Variants in SLC3A2 observed in about 807,000 individuals in gnomAD.
SLC3A2 encodes solute carrier family 3 member 2, also known as amino acid transporter heavy chain SLC3A2.
A neutral mutation model predicts 48.5 loss-of-function variants in SLC3A2; 32 were observed. The observed-to-expected ratio is 0.66, with a 90% CI of 0.50 to 0.89. The LOEUF (loss-of-function observed/expected upper bound fraction) is 0.89, where lower values mean the gene tolerates loss of function less well. SLC3A2 is among the 40% of genes least tolerant of loss of function. The probability of loss-of-function intolerance (pLI) is 0.00; values close to 1 mark genes in which losing one functional copy is unlikely to be tolerated. For synonymous variants in SLC3A2, 277 were observed against 288.8 expected, an observed-to-expected ratio of 0.96 and a Z score of 0.41; for missense variants, 587 against 680.7, an observed-to-expected ratio of 0.86 and a Z score of 1.53.
chr11:62,877,414 C>T (rs1488626692), upstream of SLC3A2, among the ~76,000 whole-genome samples: 1 of 152,180 alleles, frequency 6.6e-6, no homozygotes, highest in Non-Finnish European at 1.5e-5. Flanking sequence ...AGTTCATCCA[C>T]TTATTTACCA....
At chr11:62,858,244 T>C (rs1440503295) in intron 1 of SLC3A2, among the ~76,000 whole-genome samples, 3 of 152,078 alleles carry the variant, frequency 2.0e-5, no homozygotes, top group Non-Finnish European at 4.4e-5. Context: ...AGAAATCAGC[T>C]AAGTAATGTA....
chr11:62,888,281 T>C, intron 8 of SLC3A2, 50 bp from the exon 9 acceptor site: 1 of 1,609,602 alleles, frequency 6.2e-7, no homozygotes, highest in South Asian at 1.1e-5. Context: ...TAGAAGTCTG[T>C]ACCCAGGGGA....
intron 1 of SLC3A2, chr11:62,870,725 A>C (rs751186481): frequency 4.2e-5 from 6 of 141,834 alleles, no homozygotes; most frequent in Admixed American, 1.5e-4. Context: ...TATTATTATT[A>C]TTTTTTTTTT....
intron 1 of SLC3A2, among the ~76,000 whole-genome samples, chr11:62,864,750 G>A (rs965239031): frequency 6.7e-6 from 1 of 149,662 alleles, no homozygotes; most frequent in African/African-American, 2.5e-5. Context: ...ACAGGTGTGA[G>A]CCACCACGCC....
At chr11:62,865,822 T>A (rs921430485) in intron 1 of SLC3A2, among the ~76,000 whole-genome samples, 2 of 152,132 alleles carry the variant, frequency 1.3e-5, no homozygotes, top group Non-Finnish European at 2.9e-5. Context: ...GGTAGTTGCA[T>A]ATTTCTGGCT....
intron 1 of SLC3A2, among the ~76,000 whole-genome samples, chr11:62,860,852 G>A (rs571599903): frequency 1.3e-5 from 2 of 152,288 alleles, no homozygotes; most frequent in South Asian, 2.1e-4. Flanking sequence ...CAAGCATACT[G>A]CCTGCAAACA....
chr11:62,871,578 G>A (rs1448964346), intron 1 of SLC3A2: 3 of 649,362 alleles, frequency 4.6e-6, no homozygotes, highest in African/African-American at 1.8e-5. Context: ...TATTTGTAGA[G>A]ACGGGGTCTG....
In SLC3A2 at chr11:62,881,346, G is replaced by A. The variant is rs755583735; in HGVS notation, c.323G>A (p.Arg108His). ...GTGGTCATAATCGTGCGAGCGCCGC[G>A]TTGTCGCGAGCTACCGGCGCAGAAG... ...GAVVIIVRAPRCRELPAQKWW... is the reference protein window; with the variant it reads ...GAVVIIVRAPHCRELPAQKWW... The change falls in exon 1 of 9, where the codon CGT becomes CAT. Residue 108 changes from arginine (R) to histidine (H), a missense_variant. By Grantham distance (29) the Arg-to-His change is conservative. Around this residue, in one of 3 missense-constraint regions of SLC3A2, gnomAD observed 409 missense variants for 446.7 expected, o/e 0.92. Transcript: ENST00000338663. The surrounding 1 kb of genome is among the most constrained non-coding windows in gnomAD (Gnocchi z 4.0). 3.1e-6 allele frequency: 5 copies of A among 1,592,736 alleles called. No homozygotes were observed. Among genetic ancestry groups the A allele is most frequent in the Non-Finnish European group, 4.3e-6 (5 of 1,174,148 alleles).
chr11:62,857,695 C>CAA (rs56818745), intron 1 of SLC3A2, among the ~76,000 whole-genome samples: 1,311 of 52,806 alleles, frequency 0.025, 108 homozygotes, highest in Non-Finnish European at 0.035. Flanking sequence ...GACCCTGTCT[C>CAA]AAAAAAAAAA....
intron 1 of SLC3A2, among the ~76,000 whole-genome samples, chr11:62,868,468 C>T (rs1278900744): frequency 2.0e-5 from 3 of 148,188 alleles, no homozygotes; most frequent in Non-Finnish European, 4.5e-5. Flanking sequence ...TGGGTTCACG[C>T]CATTCTCCTG....
At chr11:62,877,429 C>T (rs1245621128), upstream of SLC3A2, among the ~76,000 whole-genome samples, 1 of 152,218 alleles carries the variant, frequency 6.6e-6, no homozygotes, top group Non-Finnish European at 1.5e-5. Flanking sequence ...TTACCAAACA[C>T]TTGCGAAGTG....
intron 1 of SLC3A2, among the ~76,000 whole-genome samples, chr11:62,865,284 G>T (rs2085440958): frequency 6.6e-6 from 1 of 152,110 alleles, no homozygotes. Context: ...CAGGTGCGGT[G>T]GCTCATGCCT....
chr11:62,860,796 C>T (rs2085391145), intron 1 of SLC3A2, among the ~76,000 whole-genome samples: 2 of 152,334 alleles, frequency 1.3e-5, no homozygotes, highest in East Asian at 3.9e-4. Flanking sequence ...CCGCAGTGCA[C>T]TGTGTCCCTG....
intron 1 of SLC3A2, among the ~76,000 whole-genome samples, chr11:62,859,982 C>T (rs567056748): frequency 2.6e-4 from 40 of 152,264 alleles, no homozygotes; most frequent in Non-Finnish European, 3.5e-4. Context: ...AGGACCCGCA[C>T]CAGCACTGGT....
rs577747962 is a variant in SLC3A2 at position 62,868,800 on chromosome 11, G to A, written c.113-12219G>A. Among the ~76,000 whole-genome samples, 57 of 152,238 alleles carry A rather than the reference G, an allele frequency of 3.7e-4. 1 individual carries two copies. The South Asian group carries it at 0.011, about 30-fold the overall frequency. On this transcript the variant is annotated intron_variant, in intron 1 of 9. Transcript: ENST00000377889. ...GATGTTTTCATATTGCCAATCTGAC[G>A]GACATGAAATTCTATTTTCTTGCCA...
At chr11:62,882,353 AG>A (rs1404416324) in intron 2 of SLC3A2, 8 of 335,530 alleles carry the variant, frequency 2.4e-5, no homozygotes, top group Admixed American at 4.9e-5. Flanking sequence ...GTAAAACAGT[AG>A]GTTTTTTTGG....
intron 3 of SLC3A2, 120 bp from the exon 4 acceptor site, chr11:62,884,337 C>T: frequency 9.4e-7 from 1 of 1,066,894 alleles, no homozygotes; most frequent in Non-Finnish European, 1.4e-6. Flanking sequence ...CCAGGCAAGG[C>T]ACAGGACTCT....
At chr11:62,867,726 C>T (rs1297308217) in intron 1 of SLC3A2, among the ~76,000 whole-genome samples, 1 of 151,934 alleles carries the variant, frequency 6.6e-6, no homozygotes, top group Non-Finnish European at 1.5e-5. Context: ...AACAATCCTC[C>T]CACCTCAGCC....
Position 62,888,662 on chromosome 11 carries a change from G to T in SLC3A2, c.1559G>T (p.Gly520Val). Residue 520 changes from glycine (G) to valine (V), a missense_variant, in exon 9 of 9, where the codon GGG becomes GTG. Transcript: ENST00000338663. ...LERLKLEPHE[G>V]LLLRFPYAA ...CGCCTGAAACTGGAGCCTCACGAAG[G>T]GCTGCTGCTCCGCTTCCCCTACGCG... The T allele has an allele frequency of 3.1e-6, 5 of 1,602,174 alleles. No homozygotes were observed. The highest frequency in any genetic ancestry group is 4.2e-6 in the Non-Finnish European group (5 of 1,179,018).
Sources: gnomAD v4.1 joint callset for allele counts (sites outside exome capture counted in the v4.1 genomes callset) on GRCh38, gnomAD v4.1.1 for gene constraint, gnomAD v4.1.1 regional missense constraint, Gnocchi (gnomAD v3.1) non-coding constraint, MANE v1.5 for transcripts, NCBI Gene and HGNC (gene_info 2026-07-23, HGNC 2026-07-21) for gene names.